TTC28: variants seen among roughly 807,000 people sequenced by gnomAD.
TTC28 encodes tetratricopeptide repeat protein 28.
A neutral mutation model predicts 198.0 loss-of-function variants in TTC28; 61 were observed. That is an observed-to-expected ratio of 0.31 (90% CI 0.25 to 0.38). The LOEUF (loss-of-function observed/expected upper bound fraction) is 0.38, where lower values mean the gene tolerates loss of function less well. TTC28 is among the 10% of genes least tolerant of loss of function. TTC28 has a pLI of 1.00. For missense variants in TTC28, 2,678 were observed against 3,164.0 expected (o/e 0.85, Z 3.69); for synonymous variants, 1,171 against 1,297.8 (o/e 0.90, Z 2.10).
At chr22:28,106,501 T>G (rs528777434) in intron 7 of TTC28, among the ~76,000 whole-genome samples, 1 of 152,130 alleles carries the variant, frequency 6.6e-6, no homozygotes, top group Admixed American at 6.6e-5. Context: ...ATAATAGATA[T>G]AGAGTAATAC....
intron 2 of TTC28, among the ~76,000 whole-genome samples, chr22:28,432,081 C>T (rs552372287): frequency 8.6e-5 from 13 of 151,916 alleles, no homozygotes; most frequent in East Asian, 1.9e-4. Context: ...GTCAGGAGAT[C>T]GAGACCATCC....
At chr22:28,375,741 A>T (rs758680241) in intron 2 of TTC28, among the ~76,000 whole-genome samples, 16 of 152,298 alleles carry the variant, frequency 1.1e-4, no homozygotes, top group Non-Finnish European at 2.4e-4. Context: ...CAGTGGACTG[A>T]GTAGGGAAGA....
chr22:28,318,929 C>T (rs190441481), intron 2 of TTC28, among the ~76,000 whole-genome samples: 94 of 144,722 alleles, frequency 6.5e-4, no homozygotes, highest in African/African-American at 2.3e-3. Context: ...AGTTATCTTC[C>T]TGTCTTAGCC....
intron 10 of TTC28, among the ~76,000 whole-genome samples, chr22:28,098,509 C>A (rs763273115): frequency 4.6e-5 from 7 of 151,552 alleles, no homozygotes; most frequent in Admixed American, 3.9e-4. Context: ...CCCAGGAGTT[C>A]GAGACCAGGC....
intron 2 of TTC28, among the ~76,000 whole-genome samples, chr22:28,529,973 C>T (rs1232826652): frequency 1.3e-5 from 2 of 152,140 alleles, no homozygotes; most frequent in African/African-American, 4.8e-5. Flanking sequence ...AGAAAAGCTT[C>T]AAATTCTAAA....
intron 2 of TTC28, among the ~76,000 whole-genome samples, chr22:28,588,624 A>G (rs1396676695): frequency 6.6e-6 from 1 of 152,222 alleles, no homozygotes; most frequent in Non-Finnish European, 1.5e-5. Context: ...GCTAACATGA[A>G]AGTAGCAACT....
At position 28,288,812 on chromosome 22, in the gene TTC28, C is replaced by CAA. The variant is rs397953776; in HGVS notation, c.933+7384_933+7385dup. ...TGGGCGACAGAGCGAGACTCCGTTT[C>CAA]AAAAAAAAAAAAAAAGCTATATAAT... is the stretch of plus-strand genomic sequence containing the variant. On this transcript the variant is annotated intron_variant, in intron 5 of 22. Coordinates refer to ENST00000397906, the MANE Select transcript of TTC28 (RefSeq NM_001145418.2). 1.2e-3 allele frequency among the ~76,000 whole-genome samples: 132 copies of CAA among 112,740 alleles called. 1 individual carries two copies. Among genetic ancestry groups the CAA allele is most frequent in the Middle Eastern group, 4.2e-3 (1 of 236 alleles). 74.0% of individuals were successfully genotyped at this position (112,740 alleles called of 152,430 possible).
chr22:28,594,253 A>G (rs2050495444), intron 2 of TTC28, among the ~76,000 whole-genome samples: 1 of 148,974 alleles, frequency 6.7e-6, no homozygotes. Flanking sequence ...TTATTAATAT[A>G]ATTATATTTA....
At chr22:28,332,122 C>T (rs894468351) in intron 2 of TTC28, among the ~76,000 whole-genome samples, 1 of 152,010 alleles carries the variant, frequency 6.6e-6, no homozygotes, top group Admixed American at 6.6e-5. Context: ...TCAGATTTCA[C>T]GTCAATTTTT....
At chr22:28,238,979 C>T (rs751963653) in intron 5 of TTC28, among the ~76,000 whole-genome samples, 4 of 152,152 alleles carry the variant, frequency 2.6e-5, no homozygotes, top group Non-Finnish European at 5.9e-5. Context: ...GGTTCCTCTC[C>T]TTACGACATG....
intron 22 of TTC28, 96 bp downstream of exon 22, chr22:27,985,152 CT>C: frequency 1.1e-6 from 1 of 908,168 alleles, no homozygotes; most frequent in South Asian, 1.6e-5. Flanking sequence ...TGTTGATTCA[CT>C]TTTCTTCTGC....
chr22:28,335,051 C>T (rs1013930731), intron 2 of TTC28, among the ~76,000 whole-genome samples: 5 of 152,098 alleles, frequency 3.3e-5, no homozygotes, highest in African/African-American at 1.2e-4. Context: ...AGGAAGGGAT[C>T]CAGTTTCAGC....
intron 2 of TTC28, among the ~76,000 whole-genome samples, chr22:28,330,942 A>C (rs2045604678): frequency 2.0e-5 from 3 of 152,174 alleles, no homozygotes; most frequent in African/African-American, 7.2e-5. Context: ...AGTTATCTGG[A>C]ATGCTTTAAG....
At chr22:28,596,471 TTTGCC>T (rs2050545546) in intron 2 of TTC28, among the ~76,000 whole-genome samples, 2 of 152,210 alleles carry the variant, frequency 1.3e-5, no homozygotes, top group East Asian at 3.8e-4. Flanking sequence ...AATTGCTGTA[TTTGCC>T]TAGTAGATGG....
At chr22:28,264,858 G>T (rs192550132) in intron 5 of TTC28, among the ~76,000 whole-genome samples, 13 of 152,228 alleles carry the variant, frequency 8.5e-5, no homozygotes, top group Admixed American at 8.5e-4. Flanking sequence ...GCAAGATCCA[G>T]GTTGAAGATA....
intron 1 of TTC28, among the ~76,000 whole-genome samples, chr22:28,637,517 A>G (rs1199156743): frequency 2.0e-5 from 3 of 152,196 alleles, no homozygotes; most frequent in African/African-American, 7.2e-5. Context: ...GCAAATACCT[A>G]TAGCAGATAC....
At chr22:28,280,311 A>G (rs1279918936) in intron 5 of TTC28, among the ~76,000 whole-genome samples, 3 of 151,830 alleles carry the variant, frequency 2.0e-5, no homozygotes, top group Non-Finnish European at 2.9e-5. Context: ...AAAAATTAAA[A>G]AAGAAAAAAG....
chr22:28,381,927 T>C (rs746106769), intron 2 of TTC28, among the ~76,000 whole-genome samples: 1 of 152,196 alleles, frequency 6.6e-6, no homozygotes, highest in Admixed American at 6.5e-5. Context: ...CTCTAAGATA[T>C]ATTTGAGGTG....
chr22:28,201,065 T>G (rs1158408910), intron 5 of TTC28, among the ~76,000 whole-genome samples: 3 of 152,144 alleles, frequency 2.0e-5, no homozygotes, highest in Non-Finnish European at 4.4e-5. Flanking sequence ...TCACAACACA[T>G]TAGAGTTGGA....
Sources: allele counts gnomAD v4.1 joint callset (sites outside exome capture counted in the v4.1 genomes callset), GRCh38; gene constraint gnomAD v4.1.1; transcripts MANE v1.5; gene names NCBI Gene and HGNC (gene_info 2026-07-23, HGNC 2026-07-21).